The following ADAP1 variants were observed in gnomAD, a reference collection of about 807,000 sequenced individuals.
The protein encoded by ADAP1 is ArfGAP with dual PH domains 1, also known as arf-GAP with dual PH domain-containing protein 1.
Under a neutral mutation model 54.9 loss-of-function variants are expected in ADAP1, and 31 were observed. The ratio of observed to expected loss-of-function variants is 0.56; its 90% CI spans 0.42 to 0.76. The LOEUF is 0.76. Among genes scored for constraint, ADAP1 ranks in the 30% least tolerant of loss-of-function variants. ADAP1 has a pLI of 0.00. For missense variants in ADAP1, 535 were observed against 512.4 expected, an observed-to-expected ratio of 1.04 and a Z score of -0.42; for synonymous variants, 313 against 202.6, an observed-to-expected ratio of 1.55 and a Z score of -4.63.
intron 1 of ADAP1, among the ~76,000 whole-genome samples, chr7:935,754 G>A (rs953872833): frequency 2.0e-5 from 3 of 151,750 alleles, no homozygotes; most frequent in African/African-American, 7.3e-5. Flanking sequence ...GCATGCACCT[G>A]CTCTGCCCCG....
In ADAP1 at chr7:954,464, C is replaced by G; in HGVS notation, c.14G>C (p.Arg5Pro). 1 of 1,053,466 alleles carries G rather than the reference C, an allele frequency of 9.5e-7. No individual in the cohort carries two copies. Among genetic ancestry groups the G allele is most frequent in the Non-Finnish European group, 1.1e-6 (1 of 875,108 alleles). The allele number at this position is 1,053,466 out of a possible 1,614,324, so 65.3% of individuals were successfully genotyped here. ...CAGCAGCTCCAGGACCGCCCTGCGCCGCTCCTTGGCCATGGCCGCGATGCG... is the reference window on the plus strand; with the variant it reads ...CAGCAGCTCCAGGACCGCCCTGCGCGGCTCCTTGGCCATGGCCGCGATGCG... MAKE[R>P]RRAVLELLQR... Residue 5 changes from arginine to proline, a missense_variant, in exon 1 of 11, where the codon CGG becomes CCG. Transcript: ENST00000265846.
intron 1 of ADAP1, among the ~76,000 whole-genome samples, chr7:951,208 A>G (rs1333853709): frequency 1.3e-5 from 2 of 151,928 alleles, no homozygotes; most frequent in African/African-American, 4.8e-5. Flanking sequence ...CCCCATCTCT[A>G]CTAAAAATAC....
chr7:900,726 C>G (rs1189361678), intron 6 of ADAP1, 110 bp from the exon 7 acceptor site: 2 of 928,372 alleles, frequency 2.2e-6, no homozygotes, highest in Admixed American at 4.6e-5. Context: ...AGCCCAGCCC[C>G]TTCCTCCTCC....
chr7:933,297 A>T (rs1846640801), intron 2 of ADAP1, among the ~76,000 whole-genome samples: 2 of 151,540 alleles, frequency 1.3e-5, no homozygotes, highest in African/African-American at 4.8e-5. Context: ...TCCTGGGCTC[A>T]AACAATCCTC....
At chr7:937,089 GT>G in intron 1 of ADAP1, among the ~76,000 whole-genome samples, 1 of 115,516 alleles carries the variant, frequency 8.7e-6, no homozygotes, top group Non-Finnish European at 1.9e-5. Flanking sequence ...GGATTTGGGG[GT>G]CACGCCGGGC....
chr7:915,374 T>C (rs1156583439), intron 4 of ADAP1, among the ~76,000 whole-genome samples: 1 of 152,210 alleles, frequency 6.6e-6, no homozygotes, highest in Non-Finnish European at 1.5e-5. Context: ...GCACAGCCCA[T>C]GCGGCCTGGT....
chr7:940,966 A>G (rs986585945), intron 1 of ADAP1, among the ~76,000 whole-genome samples: 9 of 152,316 alleles, frequency 5.9e-5, no homozygotes, highest in Middle Eastern at 3.4e-3. Context: ...AATTTCCCCA[A>G]TTTGATATAG....
intron 4 of ADAP1, chr7:905,670 G>A (rs1325419890): frequency 7.1e-6 from 1 of 141,218 alleles, no homozygotes. Flanking sequence ...GGAGAAAGGA[G>A]AAAGGGAAAG....
At chr7:902,824 G>A (rs1844890050) in intron 6 of ADAP1, among the ~76,000 whole-genome samples, 1 of 151,224 alleles carries the variant, frequency 6.6e-6, no homozygotes, top group Non-Finnish European at 1.5e-5. Context: ...CAAAACCGCG[G>A]GACAAACGTA....
At position 946,073 on chromosome 7, in the gene ADAP1, G is replaced by A. The variant is rs1158358455; in HGVS notation, c.82+8323C>T. On this transcript the variant is annotated intron_variant, in intron 1 of 10. Transcript: ENST00000265846. This position sits in a 1 kb window ranked among gnomAD's most constrained non-coding sequence, Gnocchi z 4.3. Reference sequence around the variant, plus strand: ...GCCGAGGTGGGAGGGTGCCCTTGTGGGAGGGGCTCCGGTGCCCACCACCCT... The same window carrying A: ...GCCGAGGTGGGAGGGTGCCCTTGTGAGAGGGGCTCCGGTGCCCACCACCCT... Among the ~76,000 whole-genome samples, 1 of 152,216 alleles carries A rather than the reference G, an allele frequency of 6.6e-6. No homozygotes were observed. Among genetic ancestry groups the A allele is most frequent in the African/African-American group, 2.4e-5 (1 of 41,466 alleles).
intron 6 of ADAP1, chr7:901,013 T>A (rs1247367467): frequency 2.1e-6 from 1 of 480,072 alleles, no homozygotes; most frequent in African/African-American, 2.0e-5. Flanking sequence ...AAGATCCTTA[T>A]TTTGTAGCTC....
intron 4 of ADAP1, among the ~76,000 whole-genome samples, chr7:908,146 G>A (rs770444795): frequency 6.6e-6 from 1 of 152,152 alleles, no homozygotes; most frequent in Non-Finnish European, 1.5e-5. Context: ...ACAGGGACGC[G>A]AGGGGGCTGT....
At position 906,793 on chromosome 7, in the gene ADAP1, G is replaced by GGT. The variant is rs1346762827; in HGVS notation, c.389-1622_389-1621insAC. Among the ~76,000 whole-genome samples the GGT allele has an allele frequency of 2.4e-4, 20 of 83,514 alleles. 3 individuals carry two copies. The highest frequency in any genetic ancestry group is 1.3e-3 in the East Asian group (2 of 1,532). The allele number at this position is 83,514 out of a possible 152,430, so 54.8% of individuals were successfully genotyped here. On this transcript the variant is annotated intron_variant, in intron 4 of 10. Transcript: ENST00000265846. ...TGGGGGACAGGGGACACGGGGGACGGGACAGGGGACATGGGGGGACATGGG... is the reference window on the plus strand; with the variant it reads ...TGGGGGACAGGGGACACGGGGGACGGGTGACAGGGGACATGGGGGGACATGGG...
At chr7:906,684 ACACG>A (rs1845415367) in intron 4 of ADAP1, among the ~76,000 whole-genome samples, 2 of 65,376 alleles carry the variant, frequency 3.1e-5, no homozygotes, top group East Asian at 1.4e-3. Context: ...TGGACAGGGG[ACACG>A]GGGGACATGG....
intron 4 of ADAP1, among the ~76,000 whole-genome samples, chr7:906,151 GGGAAA>G (rs1845292964): frequency 1.9e-5 from 1 of 52,464 alleles, no homozygotes; most frequent in Non-Finnish European, 4.0e-5. Flanking sequence ...AAAGGAGAAA[GGGAAA>G]GGAGAAAGGA....
chr7:927,192 C>T lies in ADAP1; in HGVS notation c.214-548G>A, dbSNP rs186801417. 5.4e-4 allele frequency: 696 copies of T among 1,292,310 alleles called. 3 individuals carry two copies. The African/African-American group carries it at 8.9e-3, about 16-fold the overall frequency. The allele number at this position is 1,292,310 out of a possible 1,614,324, so 80.1% of individuals were successfully genotyped here. Reference sequence around the variant, plus strand: ...ACTGCAGGGACCCAGAACATGTTTACGAAACAGGCTGAGGGAGAAGGAAAC... The same window carrying T: ...ACTGCAGGGACCCAGAACATGTTTATGAAACAGGCTGAGGGAGAAGGAAAC... On this transcript the variant is annotated intron_variant, in intron 2 of 10. Coordinates refer to ENST00000265846, the MANE Select transcript of ADAP1 (RefSeq NM_006869.4).
chr7:935,624 C>G (rs1846728614), intron 1 of ADAP1, 119 bp from the exon 2 acceptor site: 1 of 1,307,702 alleles, frequency 7.6e-7, no homozygotes. Context: ...AGCGGAGACC[C>G]CCGGGTACAC....
intron 1 of ADAP1, among the ~76,000 whole-genome samples, chr7:944,693 G>A (rs1291928206): frequency 6.6e-6 from 1 of 152,188 alleles, no homozygotes; most frequent in Non-Finnish European, 1.5e-5. Context: ...ATCACCTCAA[G>A]CGTGTATCAT....
Position 920,180 on chromosome 7 carries a change from C to T in ADAP1, c.306-130G>A, listed in dbSNP as rs1190533206. 5 of 711,818 alleles carry T rather than the reference C, an allele frequency of 7.0e-6. No individual in the cohort carries two copies. The African/African-American group carries it at 7.2e-5, about 10-fold the overall frequency. 44.1% of individuals were successfully genotyped at this position (711,818 alleles called of 1,614,324 possible). A position where few individuals can be genotyped will look rare whatever the true frequency, so the allele number is the denominator to read the frequency against. On this transcript the variant is annotated intron_variant, in intron 3 of 10. Coordinates refer to ENST00000265846, the MANE Select transcript of ADAP1 (RefSeq NM_006869.4). This position sits in a 1 kb window ranked among gnomAD's most constrained non-coding sequence, Gnocchi z 4.5. ...CCCCCGGCAGACTCGAGCCGCCCCT[C>T]TGGGCACAAGATCCCGGAAGAAATG... is the stretch of plus-strand genomic sequence containing the variant.
Sources: gnomAD v4.1 joint callset for allele counts (sites outside exome capture counted in the v4.1 genomes callset) on GRCh38, gnomAD v4.1.1 for gene constraint, Gnocchi (gnomAD v3.1) non-coding constraint, MANE v1.5 for transcripts, NCBI Gene and HGNC (gene_info 2026-07-23, HGNC 2026-07-21) for gene names.